The following GALNT2 variants were observed in gnomAD, a reference collection of about 807,000 sequenced individuals.
The protein encoded by GALNT2 is UDP-GalNAc:polypeptide N-acetylgalactosaminyltransferase 2.
A neutral mutation model predicts 81.4 loss-of-function variants in GALNT2; 31 were observed. The observed-to-expected ratio is 0.38, with a 90% CI of 0.29 to 0.51. The LOEUF is 0.51. Among genes scored for constraint, GALNT2 ranks in the 20% least tolerant of loss-of-function variants. The probability of loss-of-function intolerance (pLI) is 0.87; values close to 1 mark genes in which losing one functional copy is unlikely to be tolerated. For synonymous variants in GALNT2, 303 were observed against 287.4 expected (o/e 1.05, Z -0.55); for missense variants, 629 against 765.7 (o/e 0.82, Z 2.11).
chr1:230,230,372 A>G (rs529067842), intron 3 of GALNT2, among the ~76,000 whole-genome samples: 50 of 152,320 alleles, frequency 3.3e-4, no homozygotes, highest in African/African-American at 1.2e-3. Context: ...TGGAAATACC[A>G]CGACCTTGCA....
rs1665017312 is a variant in GALNT2 at position 230,236,039 on chromosome 1, G to A, written c.400G>A (p.Asp134Asn). 1 of 1,613,256 alleles carries A rather than the reference G, an allele frequency of 6.2e-7. No homozygotes were observed. The highest frequency in any genetic ancestry group is 1.7e-5 in the Admixed American group (1 of 59,972). Residue 134 changes from aspartate (D) to asparagine (N), a missense_variant, in exon 4 of 16, where the codon GAT (aspartate) becomes AAT (asparagine). Coordinates refer to ENST00000366672, the MANE Select transcript of GALNT2 (RefSeq NM_004481.5). ...DQCQRKQWRV[D>N]LPATSVVITF... is the part of the protein sequence containing the mutation. ...GTGTCAGCGGAAGCAGTGGCGGGTG[G>A]ATCTGCCGGCCACCAGCGTGGTGAT...
At position 230,186,325 on chromosome 1, in the gene GALNT2, G is replaced by A. The variant is rs1663335707; in HGVS notation, c.220+8014G>A. 3.3e-5 allele frequency among the ~76,000 whole-genome samples: 5 copies of A among 152,228 alleles called. No individual in the cohort carries two copies. In the South Asian group the frequency reaches 1.0e-3, roughly 32 times the overall value. ...GCAGGTATGTCACTGTCTCCTCCAGGAACTCTGACTGGACGCATGCATGCA... is the reference window on the plus strand; with the variant it reads ...GCAGGTATGTCACTGTCTCCTCCAGAAACTCTGACTGGACGCATGCATGCA... On this transcript the variant is annotated intron_variant, in intron 2 of 15. Transcript: ENST00000366672.
intron 3 of GALNT2, among the ~76,000 whole-genome samples, chr1:230,234,224 T>G (rs539706177): frequency 6.6e-5 from 10 of 151,968 alleles, no homozygotes; most frequent in Non-Finnish European, 1.2e-4. Context: ...CTTCCCTCAG[T>G]CAGATAAGAG....
At position 230,281,206 on chromosome 1, in the gene GALNT2, C is replaced by A. The variant is rs1300137709; in HGVS notation, c.*1748C>A. 2 of 152,308 alleles carry A rather than the reference C, an allele frequency of 1.3e-5. No individual in the cohort carries two copies. Among genetic ancestry groups the A allele is most frequent in the African/African-American group, 4.8e-5 (2 of 41,428 alleles). 9.4% of individuals were successfully genotyped at this position (152,308 alleles called of 1,614,324 possible). ...GTCTTCCTCCCCGGCGGGAGCCCCACATGTGTGCACTGTAGGACAGCGGCC... is the reference window on the plus strand; with the variant it reads ...GTCTTCCTCCCCGGCGGGAGCCCCAAATGTGTGCACTGTAGGACAGCGGCC... On this transcript the variant is annotated 3_prime_UTR_variant, in exon 16 of 16. Coordinates refer to ENST00000366672, the MANE Select transcript of GALNT2 (RefSeq NM_004481.5).
At chr1:230,167,453 C>G (rs1030834079) in intron 1 of GALNT2, among the ~76,000 whole-genome samples, 8 of 152,214 alleles carry the variant, frequency 5.3e-5, no homozygotes, top group African/African-American at 1.9e-4. Flanking sequence ...AGCATGGAGC[C>G]AGTTCTGACT....
intron 1 of GALNT2, among the ~76,000 whole-genome samples, chr1:230,129,624 A>G (rs1661304265): frequency 6.6e-6 from 1 of 152,166 alleles, no homozygotes. Context: ...CTGGCTCACA[A>G]ATTTAACTCT....
chr1:230,233,152 AT>A (rs1193113347), intron 3 of GALNT2, among the ~76,000 whole-genome samples: 1 of 152,220 alleles, frequency 6.6e-6, no homozygotes, highest in African/African-American at 2.4e-5. Flanking sequence ...CTGCTAGACC[AT>A]CCACTTTAGT....
Position 230,160,527 on chromosome 1 carries a change from C to T in GALNT2, c.127-17691C>T, listed in dbSNP as rs577677876. 1.9e-4 allele frequency among the ~76,000 whole-genome samples: 29 copies of T among 152,212 alleles called. No homozygotes were observed. The South Asian group carries it at 6.0e-3, about 32-fold the overall frequency. ...AGGAGTTTGAGACCACCCTGGCCAACATGGTGAAACCCCGTCTCTACTAAA... is the reference window on the plus strand; with the variant it reads ...AGGAGTTTGAGACCACCCTGGCCAATATGGTGAAACCCCGTCTCTACTAAA... On this transcript the variant is annotated intron_variant, in intron 1 of 15. Transcript: ENST00000366672.
At chr1:230,101,180 T>C (rs1660392267) in intron 1 of GALNT2, among the ~76,000 whole-genome samples, 1 of 152,192 alleles carries the variant, frequency 6.6e-6, no homozygotes, top group South Asian at 2.1e-4. Flanking sequence ...AGATCTCCAT[T>C]GTTAAGTGAT....
At chr1:230,101,549 C>T (rs1660404819) in intron 1 of GALNT2, among the ~76,000 whole-genome samples, 2 of 152,200 alleles carry the variant, frequency 1.3e-5, no homozygotes, top group Non-Finnish European at 2.9e-5. Context: ...TAAACAAATA[C>T]CTTTTTTAGA....
At chr1:230,099,965 T>A (rs1011098193) in intron 1 of GALNT2, among the ~76,000 whole-genome samples, 10 of 152,326 alleles carry the variant, frequency 6.6e-5, no homozygotes, top group African/African-American at 2.4e-4. Flanking sequence ...TGTGAATAGT[T>A]AATGACATTT....
chr1:230,161,320 G>A (rs764042716), intron 1 of GALNT2, among the ~76,000 whole-genome samples: 1 of 152,188 alleles, frequency 6.6e-6, no homozygotes, highest in Non-Finnish European at 1.5e-5. Context: ...CTTACACCAT[G>A]GTGGTCTCAG....
intron 1 of GALNT2, among the ~76,000 whole-genome samples, chr1:230,075,687 G>A (rs1306550466): frequency 6.6e-6 from 1 of 152,194 alleles, no homozygotes; most frequent in East Asian, 1.9e-4. Flanking sequence ...TTCTAGTGGG[G>A]GGCTGCGGGG....
chr1:230,059,532 T>G (rs1658994143), intron 1 of GALNT2, among the ~76,000 whole-genome samples: 1 of 152,254 alleles, frequency 6.6e-6, no homozygotes, highest in Admixed American at 6.5e-5. Context: ...GGTGTTTATA[T>G]GCCAGCCGTC....
intron 1 of GALNT2, among the ~76,000 whole-genome samples, chr1:230,176,941 C>G (rs368577113): frequency 8.5e-5 from 13 of 152,170 alleles, no homozygotes; most frequent in African/African-American, 2.9e-4. Flanking sequence ...CTCACCAGCC[C>G]GCCAAGGCTA....
At chr1:230,192,042 G>A (rs1663543871) in intron 2 of GALNT2, among the ~76,000 whole-genome samples, 1 of 152,244 alleles carries the variant, frequency 6.6e-6, no homozygotes, top group Non-Finnish European at 1.5e-5. Context: ...AGGAACACCT[G>A]CTCTCAAAGT....
At chr1:230,209,668 C>T (rs1664173601) in intron 3 of GALNT2, among the ~76,000 whole-genome samples, 1 of 152,144 alleles carries the variant, frequency 6.6e-6, no homozygotes, top group Non-Finnish European at 1.5e-5. Flanking sequence ...ATAGCGAAAC[C>T]CCATCTCTAC....
chr1:230,143,481 G>C (rs1166418222), intron 1 of GALNT2, among the ~76,000 whole-genome samples: 1 of 152,232 alleles, frequency 6.6e-6, no homozygotes, highest in Non-Finnish European at 1.5e-5. Flanking sequence ...GGGTCCTGAA[G>C]TCCCATGCAG....
chr1:230,104,934 A>G (rs1445168104), intron 1 of GALNT2, among the ~76,000 whole-genome samples: 2 of 152,248 alleles, frequency 1.3e-5, no homozygotes, highest in Non-Finnish European at 1.5e-5. Flanking sequence ...GCATACTCGG[A>G]AAATGAATCA....
Sources: allele counts gnomAD v4.1 joint callset (sites outside exome capture counted in the v4.1 genomes callset), GRCh38; gene constraint gnomAD v4.1.1; transcripts MANE v1.5; gene names NCBI Gene and HGNC (gene_info 2026-07-23, HGNC 2026-07-21).